The following PACRG variants were observed in gnomAD, a reference collection of about 807,000 sequenced individuals.
PACRG encodes parkin coregulated.
PACRG carries 29 observed loss-of-function variants against 29.7 expected under a neutral mutation model. The observed-to-expected ratio is 0.98, with a 90% CI of 0.73 to 1.33. The LOEUF (loss-of-function observed/expected upper bound fraction) is 1.33. Ranked by LOEUF, PACRG falls within the 40% of genes most tolerant of loss-of-function variation. PACRG has a pLI of 0.00. For synonymous variants in PACRG, 116 were observed against 118.7 expected, an observed-to-expected ratio of 0.98 and a Z score of 0.15; for missense variants, 279 against 316.2, an observed-to-expected ratio of 0.88 and a Z score of 0.89.
At chr6:163,164,524 C>A (rs1778707562) in intron 4 of PACRG, among the ~76,000 whole-genome samples, 1 of 152,234 alleles carries the variant, frequency 6.6e-6, no homozygotes, top group African/African-American at 2.4e-5. Context: ...TCGGGCTCTT[C>A]CCTCGCTTGA....
intron 4 of PACRG, among the ~76,000 whole-genome samples, chr6:163,225,951 G>A (rs1781777569): frequency 6.6e-6 from 1 of 152,152 alleles, no homozygotes; most frequent in African/African-American, 2.4e-5. Flanking sequence ...GGCTGAGGCA[G>A]GAGGATCACT....
intron 4 of PACRG, among the ~76,000 whole-genome samples, chr6:163,273,554 C>T (rs969117589): frequency 6.6e-6 from 1 of 152,100 alleles, no homozygotes; most frequent in Non-Finnish European, 1.5e-5. Flanking sequence ...TCAGTTTTGA[C>T]TAATTATATT....
intron 4 of PACRG, chr6:163,190,634 C>G (rs563627712): frequency 6.5e-6 from 1 of 154,036 alleles, no homozygotes; most frequent in African/African-American, 2.4e-5. Context: ...ACTGCAATGG[C>G]CAAAAATATT....
intron 4 of PACRG, among the ~76,000 whole-genome samples, chr6:163,260,509 T>C (rs1783282695): frequency 6.6e-6 from 1 of 152,222 alleles, no homozygotes; most frequent in African/African-American, 2.4e-5. Flanking sequence ...CTGTTCCTAA[T>C]TGCTATTGTA....
At chr6:162,842,521 G>T (rs1462855008) in intron 2 of PACRG, among the ~76,000 whole-genome samples, 1 of 151,770 alleles carries the variant, frequency 6.6e-6, no homozygotes, top group Non-Finnish European at 1.5e-5. Context: ...CCTGAATACA[G>T]CACACTGATG....
chr6:163,064,573 A>T (rs931147774), intron 3 of PACRG, among the ~76,000 whole-genome samples: 7 of 152,352 alleles, frequency 4.6e-5, no homozygotes, highest in Non-Finnish European at 1.0e-4. Context: ...CACTAAAAGC[A>T]GACTTTTCTC....
intron 2 of PACRG, among the ~76,000 whole-genome samples, chr6:163,010,144 T>C (rs1805476994): frequency 6.6e-6 from 1 of 152,184 alleles, no homozygotes; most frequent in Non-Finnish European, 1.5e-5. Context: ...ATAAAGTACA[T>C]TTGAAAACCA....
chr6:163,041,986 C>A (rs1348817728), intron 2 of PACRG, among the ~76,000 whole-genome samples: 2 of 152,188 alleles, frequency 1.3e-5, no homozygotes, highest in African/African-American at 4.8e-5. Flanking sequence ...CTGCCTCAGC[C>A]TCCTGAGTAG....
At chr6:163,151,727 C>A (rs150736424) in intron 4 of PACRG, among the ~76,000 whole-genome samples, 1 of 152,086 alleles carries the variant, frequency 6.6e-6, no homozygotes, top group Non-Finnish European at 1.5e-5. Flanking sequence ...TGAGTTTACC[C>A]GCTAAAAAGT....
intron 1 of PACRG, among the ~76,000 whole-genome samples, chr6:162,771,527 A>G (rs558020185): frequency 6.6e-6 from 1 of 152,166 alleles, no homozygotes; most frequent in South Asian, 2.1e-4. Context: ...TCTTCAGTGC[A>G]GCATCCACTA....
At chr6:162,901,489 A>G (rs1483711886) in intron 2 of PACRG, among the ~76,000 whole-genome samples, 3 of 152,214 alleles carry the variant, frequency 2.0e-5, no homozygotes, top group Non-Finnish European at 4.4e-5. Flanking sequence ...TGATACATAG[A>G]TAAAGGTGAG....
At chr6:162,815,561 G>T (rs961022116) in intron 2 of PACRG, among the ~76,000 whole-genome samples, 2 of 150,926 alleles carry the variant, frequency 1.3e-5, no homozygotes, top group Non-Finnish European at 2.9e-5. Flanking sequence ...ATAAAATTTT[G>T]GGGGGGTGGG....
chr6:163,243,938 A>G (rs1339855390), intron 4 of PACRG, among the ~76,000 whole-genome samples: 1 of 152,240 alleles, frequency 6.6e-6, no homozygotes, highest in Non-Finnish European at 1.5e-5. Flanking sequence ...AACGAAATGT[A>G]GTCAAACAGA....
chr6:163,276,563 A>G (rs550578888), intron 4 of PACRG, among the ~76,000 whole-genome samples: 1 of 152,196 alleles, frequency 6.6e-6, no homozygotes, highest in East Asian at 1.9e-4. Flanking sequence ...TGCTCTTCCA[A>G]TATGTGGGTT....
At chr6:162,913,517 A>G (rs1414262780) in intron 2 of PACRG, among the ~76,000 whole-genome samples, 1 of 152,228 alleles carries the variant, frequency 6.6e-6, no homozygotes, top group Non-Finnish European at 1.5e-5. Flanking sequence ...TACTAAAAGC[A>G]TTCATGTACA....
At chr6:162,771,006 G>A (rs11961035) in intron 1 of PACRG, among the ~76,000 whole-genome samples, 32,895 of 151,628 alleles carry the variant, frequency 0.22, 4,256 homozygotes, top group Admixed American at 0.33. Context: ...TTATAATCAG[G>A]GCACTTTTTC....
At chr6:163,215,422 G>A (rs1361349959) in intron 4 of PACRG, among the ~76,000 whole-genome samples, 3 of 152,070 alleles carry the variant, frequency 2.0e-5, no homozygotes, top group African/African-American at 7.2e-5. Flanking sequence ...TCTGTTTTCT[G>A]TCTCTTCTGG....
chr6:163,264,166 G>A (rs1471576436), intron 4 of PACRG, among the ~76,000 whole-genome samples: 2 of 152,164 alleles, frequency 1.3e-5, no homozygotes, highest in East Asian at 3.9e-4. Context: ...ATCGGGGAAT[G>A]TAACTTCTCA....
intron 2 of PACRG, among the ~76,000 whole-genome samples, chr6:163,026,555 G>A (rs764422463): frequency 6.6e-6 from 1 of 152,216 alleles, no homozygotes; most frequent in Non-Finnish European, 1.5e-5. Context: ...CTATAGTGCT[G>A]TGTCCTTAAA....
Sources: allele counts gnomAD v4.1 joint callset (sites outside exome capture counted in the v4.1 genomes callset), GRCh38; gene constraint gnomAD v4.1.1; transcripts MANE v1.5; gene names NCBI Gene and HGNC (gene_info 2026-07-23, HGNC 2026-07-21).